CNNM1: variants seen among roughly 807,000 people sequenced by gnomAD.
CNNM1 encodes the protein metal transporter CNNM1.
A neutral mutation model predicts 78.8 loss-of-function variants in CNNM1; 44 were observed. The ratio of observed to expected loss-of-function variants is 0.56; its 90% CI spans 0.44 to 0.72. CNNM1 has a LOEUF of 0.72. Ranked by LOEUF, CNNM1 falls within the 30% of genes least tolerant of loss-of-function variation. The pLI is 0.00. For missense variants in CNNM1, 1,101 were observed against 1,292.2 expected, an observed-to-expected ratio of 0.85 and a Z score of 2.27; for synonymous variants, 584 against 581.5, an observed-to-expected ratio of 1.00 and a Z score of -0.06.
intron 1 of CNNM1, among the ~76,000 whole-genome samples, chr10:99,331,760 G>A (rs2029927533): frequency 6.6e-6 from 1 of 152,182 alleles, no homozygotes. Flanking sequence ...GGGGTTAAAA[G>A]TTGACTAAGG....
At chr10:99,354,668 C>G (rs2031069469) in intron 1 of CNNM1, among the ~76,000 whole-genome samples, 1 of 150,276 alleles carries the variant, frequency 6.7e-6, no homozygotes, top group African/African-American at 2.5e-5. Context: ...GGGGAGCTTT[C>G]TTGGAGAGCT....
chr10:99,340,952 T>TG (rs2030432880), intron 1 of CNNM1, among the ~76,000 whole-genome samples: 1 of 147,964 alleles, frequency 6.8e-6, no homozygotes, highest in Non-Finnish European at 1.5e-5. Context: ...TGTTAGGCAC[T>TG]GGAGATGCAG....
At position 99,362,268 on chromosome 10, in the gene CNNM1, C is replaced by T. The variant is rs1306228048; in HGVS notation, c.1900C>T (p.Leu634=). Residue 634 remains leucine, a synonymous_variant, in exon 4 of 11, where the codon CTG becomes TTG. Transcript: ENST00000356713. Reference sequence around the variant, plus strand: ...GTCTCTGTACCTTTCGGAGAAGATCCTGCTCCGGCTCCTGAAACATCCCAA... The same window carrying T: ...GTCTCTGTACCTTTCGGAGAAGATCTTGCTCCGGCTCCTGAAACATCCCAA... ...FKSLYLSEKI[L]LRLLKHPNVI... The T allele has an allele frequency of 6.2e-7, 1 of 1,613,692 alleles. No individual in the cohort carries two copies. Among genetic ancestry groups the T allele is most frequent in the Non-Finnish European group, 8.5e-7 (1 of 1,179,816 alleles).
Position 99,362,341 on chromosome 10 carries a change from A to G in CNNM1, c.1973A>G (p.Glu658Gly), listed in dbSNP as rs1564950490. 1 of 1,613,992 alleles carries G rather than the reference A, an allele frequency of 6.2e-7. No homozygotes were observed. The highest frequency in any genetic ancestry group is 8.5e-7 in the Non-Finnish European group (1 of 1,179,876). ...GATGAGAAGAACAAGAAGGCCCCGG[A>G]ACACTACCTCTACCAGCGCAACCGC... ...KFDEKNKKAP[E>G]HYLYQRNRPV... Residue 658 changes from glutamate to glycine, a missense_variant, in exon 4 of 11, where the codon GAA becomes GGA. Physicochemically the swap from Glu to Gly is moderately conservative, Grantham distance 98. Around this residue, in one of 3 missense-constraint regions of CNNM1, gnomAD observed 348 missense variants for 384.5 expected, o/e 0.90. Coordinates refer to ENST00000356713, the MANE Select transcript of CNNM1 (RefSeq NM_020348.3).
intron 1 of CNNM1, among the ~76,000 whole-genome samples, chr10:99,354,016 A>G (rs2134036893): frequency 6.6e-6 from 1 of 152,330 alleles, no homozygotes; most frequent in African/African-American, 2.4e-5. Flanking sequence ...AAATTATGTT[A>G]GTGGTAGGGA....
intron 7 of CNNM1, among the ~76,000 whole-genome samples, chr10:99,385,799 AGTTCTTGGCACTGT>A (rs2032287730): frequency 6.6e-6 from 1 of 152,206 alleles, no homozygotes; most frequent in African/African-American, 2.4e-5. Flanking sequence ...CTTGAACTTC[AGTTCTTGGCACTGT>A]GTTTCCTGCC....
chr10:99,374,957 T>G (rs907494499), intron 6 of CNNM1, among the ~76,000 whole-genome samples: 1 of 152,178 alleles, frequency 6.6e-6, no homozygotes, highest in Non-Finnish European at 1.5e-5. Flanking sequence ...GGAGGAATCT[T>G]CCTAGGTGAC....
intron 1 of CNNM1, among the ~76,000 whole-genome samples, chr10:99,355,155 C>T (rs558837671): frequency 3.3e-5 from 5 of 151,838 alleles, no homozygotes; most frequent in African/African-American, 9.7e-5. Flanking sequence ...TATTTTTTAG[C>T]AATGGCCAAG....
At chr10:99,365,818 AT>A (rs1413397255) in intron 6 of CNNM1, among the ~76,000 whole-genome samples, 1 of 152,188 alleles carries the variant, frequency 6.6e-6, no homozygotes, top group Non-Finnish European at 1.5e-5. Flanking sequence ...GATTTTACAT[AT>A]TGCCTTGTGG....
At chr10:99,381,201 A>G (rs2032139671) in intron 7 of CNNM1, among the ~76,000 whole-genome samples, 2 of 152,062 alleles carry the variant, frequency 1.3e-5, no homozygotes, top group Non-Finnish European at 2.9e-5. Flanking sequence ...ACCTGAGGTC[A>G]GGAGTTTCAG....
intron 1 of CNNM1, among the ~76,000 whole-genome samples, chr10:99,348,186 G>A (rs771030135): frequency 2.0e-5 from 3 of 151,766 alleles, no homozygotes; most frequent in Non-Finnish European, 4.4e-5. Context: ...GGGACTACAG[G>A]CATGCACCAC....
At chr10:99,389,138 G>A (rs1159856020) in intron 9 of CNNM1, among the ~76,000 whole-genome samples, 2 of 152,078 alleles carry the variant, frequency 1.3e-5, no homozygotes, top group African/African-American at 4.8e-5. Flanking sequence ...AAAGTTGGCC[G>A]GGCACGGTGG....
chr10:99,356,179 G>C (rs999816893), intron 1 of CNNM1, among the ~76,000 whole-genome samples: 1 of 152,016 alleles, frequency 6.6e-6, no homozygotes, highest in Non-Finnish European at 1.5e-5. Flanking sequence ...GGAGAGGCTG[G>C]GCGAGGTGGC....
At chr10:99,362,787 C>G (rs2134051530) in intron 4 of CNNM1, among the ~76,000 whole-genome samples, 1 of 152,238 alleles carries the variant, frequency 6.6e-6, no homozygotes, top group African/African-American at 2.4e-5. Context: ...TTCTTTAAAC[C>G]CTTCTCTCTG....
intron 1 of CNNM1, among the ~76,000 whole-genome samples, chr10:99,348,890 A>AAAAC (rs10634357): frequency 0.82 from 124,017 of 150,950 alleles, 51,326 homozygotes; most frequent in African/African-American, 0.92. Context: ...CATCTCTACA[A>AAAAC]AAACAAACAA....
rs911067140 is a variant in CNNM1, at chr10:99,366,065, A to C, written c.2176+1063A>C. On this transcript the variant is annotated intron_variant, in intron 6 of 10. Transcript: ENST00000356713. The stretch of plus-strand genomic sequence containing the variant: ...ATTTCTAAGTGGAAATAGTGGAACA[A>C]TTTACAGTGTAATTGTTACAGTGTA... Among the ~76,000 whole-genome samples, 3 of 152,228 alleles carry C rather than the reference A, an allele frequency of 2.0e-5. 1 individual carries two copies. Among genetic ancestry groups the C allele is most frequent in the Non-Finnish European group, 4.4e-5 (3 of 68,040 alleles).
At chr10:99,356,600 G>GAAAAGAAAAGA (rs144227322) in intron 1 of CNNM1, among the ~76,000 whole-genome samples, 18 of 129,452 alleles carry the variant, frequency 1.4e-4, no homozygotes, top group East Asian at 6.6e-4. Flanking sequence ...AAGAAAGAAA[G>GAAAAGAAAAGA]AAAGAAAAGA....
chr10:99,356,564 G>GAAAGAAAGAAAGAAAGAAAAGA (rs2031191149), intron 1 of CNNM1, among the ~76,000 whole-genome samples: 8 of 98,180 alleles, frequency 8.1e-5, no homozygotes, highest in Admixed American at 5.2e-4. Context: ...CAGACAGACA[G>GAAAGAAAGAAAGAAAGAAAAGA]AAAGAAAGAA....
intron 7 of CNNM1, among the ~76,000 whole-genome samples, chr10:99,384,912 C>CA (rs1223116013): frequency 1.3e-5 from 2 of 151,838 alleles, no homozygotes; most frequent in East Asian, 3.9e-4. Context: ...ATTAAAAATA[C>CA]AAAAAAATAA....
Sources: allele counts gnomAD v4.1 joint callset (sites outside exome capture counted in the v4.1 genomes callset), GRCh38; gene constraint gnomAD v4.1.1; regional missense constraint gnomAD v4.1.1; transcripts MANE v1.5; gene names NCBI Gene and HGNC (gene_info 2026-07-23, HGNC 2026-07-21).